The following MADD variants were observed in gnomAD, a reference collection of about 807,000 sequenced individuals.
The protein encoded by MADD is MAP kinase activating death domain.
Under a neutral mutation model 176.7 loss-of-function variants are expected in MADD, and 109 were observed. The ratio of observed to expected loss-of-function variants is 0.62; its 90% CI spans 0.53 to 0.72. MADD has a LOEUF of 0.72. MADD is among the 30% of genes least tolerant of loss of function. The probability of loss-of-function intolerance (pLI) is 0.00; values close to 1 mark genes in which losing one functional copy is unlikely to be tolerated. For synonymous variants in MADD, 771 were observed against 771.3 expected (o/e 1.00, Z 0.01); for missense variants, 1,914 against 2,045.5 (o/e 0.94, Z 1.24).
At chr11:47,309,003 G>T in intron 23 of MADD, 2 of 1,613,980 alleles carry the variant, frequency 1.2e-6, no homozygotes, top group South Asian at 2.2e-5. Flanking sequence ...ATCCATGTGG[G>T]ACCAGTTAGA....
chr11:47,308,469 A>G (rs2084957639), intron 22 of MADD, 122 bp from the exon 25 acceptor site: 5 of 624,002 alleles, frequency 8.0e-6, no homozygotes, highest in Middle Eastern at 2.8e-4. Context: ...AAGCAGGGGT[A>G]CTGGAGTTTA....
At chr11:47,299,833 A>G in intron 22 of MADD, among the ~76,000 whole-genome samples, 1 of 152,032 alleles carries the variant, frequency 6.6e-6, no homozygotes. Context: ...ACCCAGCCTA[A>G]TTTTAGGGAC....
chr11:47,285,864 C>T (rs1164924139), intron 14 of MADD, among the ~76,000 whole-genome samples: 1 of 152,202 alleles, frequency 6.6e-6, no homozygotes. Flanking sequence ...TTCAAAATCA[C>T]ACACTTGTAC....
At chr11:47,321,379 C>G (rs753493978) in intron 27 of MADD, among the ~76,000 whole-genome samples, 2 of 152,214 alleles carry the variant, frequency 1.3e-5, no homozygotes, top group Non-Finnish European at 2.9e-5. Flanking sequence ...AAGTCTTATA[C>G]AGTAGCTTAA....
chr11:47,282,272 T>C (rs2057513422), intron 8 of MADD, 109 bp from the exon 9 acceptor site: 3 of 777,368 alleles, frequency 3.9e-6, no homozygotes, highest in South Asian at 1.6e-5. Flanking sequence ...TCTCTCCCCT[T>C]GATGTTGGAA....
chr11:47,284,548 A>G, exon 12 of MADD: 2 of 1,613,984 alleles, frequency 1.2e-6, no homozygotes, highest in East Asian at 2.2e-5. Context: ...CAGCACTGTC[A>G]TCCACGGAGC....
Position 47,313,945 on chromosome 11 carries a change from A to G in MADD, c.4090-1275A>G, listed in dbSNP as rs187709197. 7.2e-5 allele frequency among the ~76,000 whole-genome samples: 11 copies of G among 152,006 alleles called. No homozygotes were observed. In the East Asian group the frequency reaches 2.0e-3, roughly 27 times the overall value. On this transcript the variant is annotated intron_variant, in intron 26 of 32. Transcript: ENST00000402192. ...CGGCTAATTTTTATGTTTTTAGTAG[A>G]GATGGGGTTTCACCACGCTGGTCAG...
At chr11:47,308,283 T>C (rs978666524) in intron 22 of MADD, among the ~76,000 whole-genome samples, 1 of 152,236 alleles carries the variant, frequency 6.6e-6, no homozygotes, top group Non-Finnish European at 1.5e-5. Flanking sequence ...TGGCAAACCC[T>C]GGGTTCTTTC....
rs2140761054 is a variant in MADD, at chr11:47,308,749, C to G, written c.3751+50C>G. On this transcript the variant is annotated intron_variant, in intron 23 of 32. Coordinates refer to ENST00000402192, the Ensembl canonical transcript of MADD. ...TTTGCACTGGAGAAAGCTGACTCAGCCAGGGGAGAGGGTCACACTGAACAA... is the reference window on the plus strand; with the variant it reads ...TTTGCACTGGAGAAAGCTGACTCAGGCAGGGGAGAGGGTCACACTGAACAA... 3 of 1,467,392 alleles carry G rather than the reference C, an allele frequency of 2.0e-6. No homozygotes were observed. In the East Asian group the frequency reaches 6.8e-5, roughly 33 times the overall value. 90.9% of individuals were successfully genotyped at this position (1,467,392 alleles called of 1,614,324 possible).
At position 47,276,185 on chromosome 11, in the gene MADD, A is replaced by G. The variant is rs764304296; in HGVS notation, c.946A>G (p.Ile316Val). The G allele has an allele frequency of 4.5e-5, 73 of 1,610,464 alleles. No homozygotes were observed. In the Admixed American group the frequency reaches 4.7e-4, roughly 10 times the overall value. The change falls in exon 4 of 33, where the codon ATT (isoleucine) becomes GTT (valine). Residue 316 changes from isoleucine to valine, a missense_variant. This residue lies in a region of MADD where 1,767 missense variants were observed against 1,836.0 expected (regional missense o/e 0.96). Transcript: ENST00000402192. The stretch of plus-strand genomic sequence containing the variant: ...CGCCTGTCTCCAGGTGCTAACCTGC[A>G]TTCTGTTAGAGCACAAGGTGAGAGG...
chr11:47,293,474 G>C (rs1485957390), intron 19 of MADD, among the ~76,000 whole-genome samples: 2 of 151,296 alleles, frequency 1.3e-5, no homozygotes, highest in Non-Finnish European at 2.9e-5. Flanking sequence ...GCTAATTTTT[G>C]TATTTTTTGG....
chr11:47,309,649 C>G (rs948260833), intron 25 of MADD, 37 bp downstream of exon 28: 26 of 1,508,786 alleles, frequency 1.7e-5, no homozygotes, highest in Non-Finnish European at 2.3e-5. Flanking sequence ...TCCGCTGATC[C>G]TAGAGGGGCA....
At chr11:47,282,101 C>G (rs905397932) in intron 8 of MADD, among the ~76,000 whole-genome samples, 1 of 151,906 alleles carries the variant, frequency 6.6e-6, no homozygotes, top group African/African-American at 2.4e-5. Context: ...TCCCAAAGTG[C>G]TGGGATTACA....
At chr11:47,278,878 T>C (rs4752977) in intron 6 of MADD, 121 bp from the exon 7 acceptor site, 169,552 of 717,986 alleles carry the variant, frequency 0.24, 25,644 homozygotes, top group East Asian at 0.61. Flanking sequence ...TGTGCAGTTA[T>C]ATAATGTATA....
exon 3 of MADD, chr11:47,274,715 G>C (rs765450021): frequency 6.2e-7 from 1 of 1,614,058 alleles, no homozygotes; most frequent in Non-Finnish European, 8.5e-7. Flanking sequence ...ATGAGCCTTC[G>C]GGATGATACC....
chr11:47,315,898 C>A (rs572137987), intron 27 of MADD, among the ~76,000 whole-genome samples: 28 of 145,566 alleles, frequency 1.9e-4, no homozygotes, highest in Non-Finnish European at 3.1e-4. Context: ...GTGGTGTGAT[C>A]TTGGCTCACT....
chr11:47,285,245 A>C, intron 13 of MADD, 51 bp downstream of exon 13: 2 of 1,595,592 alleles, frequency 1.3e-6, no homozygotes, highest in Non-Finnish European at 1.7e-6. Flanking sequence ...ACCTCACCTC[A>C]GTGGACCCTG....
intron 22 of MADD, among the ~76,000 whole-genome samples, chr11:47,300,485 C>T (rs796222451): frequency 4.0e-5 from 6 of 148,846 alleles, no homozygotes; most frequent in African/African-American, 7.5e-5. Flanking sequence ...GGATTACAGG[C>T]GTGAGCCACT....
intron 22 of MADD, among the ~76,000 whole-genome samples, chr11:47,297,823 C>T (rs1166403640): frequency 1.1e-4 from 13 of 115,652 alleles, no homozygotes; most frequent in Non-Finnish European, 2.1e-4. Flanking sequence ...GAATCTTGCT[C>T]TGTCGCCCAG....
Sources: gnomAD v4.1 joint callset for allele counts (sites outside exome capture counted in the v4.1 genomes callset) on GRCh38, gnomAD v4.1.1 for gene constraint, gnomAD v4.1.1 regional missense constraint, MANE v1.5 for transcripts, NCBI Gene and HGNC (gene_info 2026-07-23, HGNC 2026-07-21) for gene names.